Variants in MALRD1 observed in about 807,000 individuals in gnomAD.
MALRD1 encodes the protein MAM and LDL receptor class A domain containing 1, also known as MAM and LDL-receptor class A domain-containing protein 1.
Under a neutral mutation model 242.1 loss-of-function variants are expected in MALRD1, and 247 were observed. The ratio of observed to expected loss-of-function variants is 1.02; its 90% CI spans 0.92 to 1.13. MALRD1 has a LOEUF of 1.13. MALRD1 is among the 50% of genes most tolerant of loss of function. MALRD1 has a pLI of 0.00. For missense variants in MALRD1, 2,989 were observed against 2,533.1 expected (o/e 1.18, Z -3.86); for synonymous variants, 995 against 866.6 (o/e 1.15, Z -2.60).
chr10:19,146,851 T>A (rs1174270490), intron 11 of MALRD1, among the ~76,000 whole-genome samples: 1 of 152,226 alleles, frequency 6.6e-6, no homozygotes, highest in East Asian at 1.9e-4. Flanking sequence ...TTCCAGTGTT[T>A]ACATATCATC....
At chr10:19,274,671 T>C (rs989456946) in intron 19 of MALRD1, among the ~76,000 whole-genome samples, 2 of 152,138 alleles carry the variant, frequency 1.3e-5, no homozygotes, top group African/African-American at 4.8e-5. Flanking sequence ...CTGAACTGAC[T>C]AAGACAATGG....
intron 39 of MALRD1, among the ~76,000 whole-genome samples, chr10:19,733,071 C>T (rs760839632): frequency 1.3e-5 from 2 of 152,072 alleles, no homozygotes; most frequent in Non-Finnish European, 2.9e-5. Flanking sequence ...GGTCTACTTT[C>T]CCCATCATCA....
intron 19 of MALRD1, among the ~76,000 whole-genome samples, chr10:19,265,822 G>A (rs1360170704): frequency 6.6e-6 from 1 of 151,970 alleles, no homozygotes; most frequent in Non-Finnish European, 1.5e-5. Context: ...GGATATTGAA[G>A]TCCTTTACTA....
chr10:19,450,158 A>G, intron 28 of MALRD1, 149 bp from the exon 29 acceptor site: 1 of 696,152 alleles, frequency 1.4e-6, no homozygotes, highest in Non-Finnish European at 2.3e-6. Flanking sequence ...TCAATTTGTA[A>G]GATCACCTTT....
chr10:19,494,554 G>A (rs1050948963), intron 30 of MALRD1, among the ~76,000 whole-genome samples: 4 of 152,050 alleles, frequency 2.6e-5, no homozygotes, highest in South Asian at 4.1e-4. Flanking sequence ...AGGAGCTGAC[G>A]GATGAAATAT....
intron 7 of MALRD1, among the ~76,000 whole-genome samples, chr10:19,124,935 CTTTTTTTTTTTT>C (rs1173453764): frequency 1.7e-4 from 9 of 52,596 alleles, no homozygotes; most frequent in Admixed American, 1.4e-3. Context: ...TATTAAAAGG[CTTTTTTTTTTTT>C]TTTTTTTTTT....
chr10:19,161,539 G>GAA (rs34437737), intron 12 of MALRD1, among the ~76,000 whole-genome samples: 607 of 56,690 alleles, frequency 0.011, 7 homozygotes, highest in African/African-American at 0.045. Context: ...TAAAAATAAA[G>GAA]AAAAAAAAAG....
intron 29 of MALRD1, chr10:19,488,809 T>A (rs762587047): frequency 6.0e-6 from 2 of 331,408 alleles, no homozygotes; most frequent in South Asian, 4.9e-5. Flanking sequence ...TGTACAACGA[T>A]GGAAAGGTGT....
intron 14 of MALRD1, among the ~76,000 whole-genome samples, chr10:19,176,265 T>C (rs1395181436): frequency 2.6e-5 from 4 of 151,784 alleles, no homozygotes; most frequent in Admixed American, 6.6e-5. Context: ...TCAAGAAAAA[T>C]TTGGGTCACA....
intron 31 of MALRD1, among the ~76,000 whole-genome samples, chr10:19,530,408 T>TAAA (rs58374618): frequency 2.8e-5 from 2 of 71,126 alleles, no homozygotes; most frequent in Non-Finnish European, 5.1e-5. Flanking sequence ...ATATTATATA[T>TAAA]TTATATAATA....
intron 36 of MALRD1, among the ~76,000 whole-genome samples, chr10:19,641,814 T>C (rs2131679519): frequency 6.6e-6 from 1 of 152,270 alleles, no homozygotes; most frequent in South Asian, 2.1e-4. Context: ...TCCCAGTCAC[T>C]AGACATGGCT....
intron 26 of MALRD1, among the ~76,000 whole-genome samples, chr10:19,365,783 A>G (rs1040831081): frequency 1.3e-5 from 2 of 151,972 alleles, no homozygotes; most frequent in African/African-American, 4.8e-5. Context: ...ATTCTGGTAT[A>G]CAATACGATG....
chr10:19,282,914 G>C, intron 20 of MALRD1, 105 bp from the exon 21 acceptor site: 1 of 788,316 alleles, frequency 1.3e-6, no homozygotes, highest in South Asian at 4.8e-5. Context: ...ATGTTTAAAA[G>C]TTACATTAGA....
At chr10:19,305,528 A>C (rs1235793825) in intron 21 of MALRD1, among the ~76,000 whole-genome samples, 1 of 151,180 alleles carries the variant, frequency 6.6e-6, no homozygotes, top group African/African-American at 2.4e-5. Flanking sequence ...TTCAATTTTG[A>C]ACCAATTTGT....
At chr10:19,371,641 A>G (rs1262584530) in intron 26 of MALRD1, among the ~76,000 whole-genome samples, 2 of 152,292 alleles carry the variant, frequency 1.3e-5, no homozygotes, top group Middle Eastern at 3.4e-3. Context: ...GATTTTAGCT[A>G]ATCATAGTTT....
chr10:19,271,130 G>C (rs763545068), intron 19 of MALRD1, among the ~76,000 whole-genome samples: 2 of 152,072 alleles, frequency 1.3e-5, no homozygotes, highest in Non-Finnish European at 2.9e-5. Flanking sequence ...TCCGTTTCTA[G>C]ATACATAAGG....
At chr10:19,312,398 A>G (rs867369916) in intron 21 of MALRD1, among the ~76,000 whole-genome samples, 6 of 145,134 alleles carry the variant, frequency 4.1e-5, no homozygotes, top group African/African-American at 1.5e-4. Flanking sequence ...ATATATATAT[A>G]TATGTGTATA....
chr10:19,498,043 T>C (rs1837799583), intron 30 of MALRD1, among the ~76,000 whole-genome samples: 1 of 152,226 alleles, frequency 6.6e-6, no homozygotes, highest in South Asian at 2.1e-4. Context: ...TCCTATACAG[T>C]TTACTACTTC....
intron 4 of MALRD1, among the ~76,000 whole-genome samples, chr10:19,101,384 G>T: frequency 7.4e-6 from 1 of 135,342 alleles, no homozygotes; most frequent in East Asian, 2.1e-4. Context: ...AACCAACTTG[G>T]GTATGTATAT....
Sources: gnomAD v4.1 joint callset for allele counts (sites outside exome capture counted in the v4.1 genomes callset) on GRCh38, gnomAD v4.1.1 for gene constraint, MANE v1.5 for transcripts, NCBI Gene and HGNC (gene_info 2026-07-23, HGNC 2026-07-21) for gene names.